Variants in TUSC3 observed in about 807,000 individuals in gnomAD.
The protein encoded by TUSC3 is tumor suppressor candidate 3.
A neutral mutation model predicts 44.8 loss-of-function variants in TUSC3; 45 were observed. The ratio of observed to expected loss-of-function variants is 1.00; its 90% CI spans 0.79 to 1.29. The LOEUF (loss-of-function observed/expected upper bound fraction) is 1.29, where lower values mean the gene tolerates loss of function less well. TUSC3 is among the 50% of genes most tolerant of loss of function. The pLI, the probability that TUSC3 is intolerant of heterozygous loss-of-function variation, is 0.00. For synonymous variants in TUSC3, 212 were observed against 152.9 expected (o/e 1.39, Z -2.85); for missense variants, 519 against 437.9 (o/e 1.19, Z -1.65).
chr8:15,826,976 A>G, the TUSC3 span, among the ~76,000 whole-genome samples: 1 of 152,296 alleles, frequency 6.6e-6, no homozygotes, highest in East Asian at 1.9e-4. Flanking sequence ...TGATTGCTGC[A>G]GAGGTTGCAG....
At chr8:15,477,985 T>C (rs901004924) in intron 1 of TUSC3, among the ~76,000 whole-genome samples, 1 of 152,126 alleles carries the variant, frequency 6.6e-6, no homozygotes, top group Non-Finnish European at 1.5e-5. Context: ...TTTGACACAG[T>C]CTCGTTCTGT....
At chr8:15,523,664 A>ATATGTGTG (rs1345376349) in intron 2 of TUSC3, among the ~76,000 whole-genome samples, 28 of 42,488 alleles carry the variant, frequency 6.6e-4, no homozygotes, top group African/African-American at 2.4e-3. Flanking sequence ...ATATATATAT[A>ATATGTGTG]TGTGTGTGTG....
intron 2 of TUSC3, among the ~76,000 whole-genome samples, chr8:15,526,694 C>A (rs979310574): frequency 1.3e-5 from 2 of 152,124 alleles, no homozygotes; most frequent in South Asian, 4.1e-4. Context: ...GTCCATTGAA[C>A]CTCTTTTTCT....
chr8:15,745,774 T>G (rs539318232), intron 8 of TUSC3, among the ~76,000 whole-genome samples: 120 of 152,098 alleles, frequency 7.9e-4, no homozygotes, highest in African/African-American at 2.8e-3. Context: ...TGTTTTGCGG[T>G]GCAGAGGCTC....
chr8:15,506,789 T>C (rs1163450632), intron 2 of TUSC3, among the ~76,000 whole-genome samples: 2 of 152,210 alleles, frequency 1.3e-5, no homozygotes, highest in East Asian at 1.9e-4. Context: ...CATTTCAAGA[T>C]GAGATTTCGG....
chr8:15,755,721 G>A (rs1811900650), intron 9 of TUSC3, among the ~76,000 whole-genome samples: 1 of 151,308 alleles, frequency 6.6e-6, no homozygotes, highest in South Asian at 2.1e-4. Flanking sequence ...TACTAAAGGT[G>A]ATTTTCTTAA....
chr8:15,512,639 G>A (rs1370840748), intron 2 of TUSC3, among the ~76,000 whole-genome samples: 1 of 151,814 alleles, frequency 6.6e-6, no homozygotes, highest in Non-Finnish European at 1.5e-5. Flanking sequence ...TTGGCATGGT[G>A]GTACACACCT....
chr8:15,730,382 T>C (rs1377073568), intron 6 of TUSC3, among the ~76,000 whole-genome samples: 1 of 152,142 alleles, frequency 6.6e-6, no homozygotes, highest in Non-Finnish European at 1.5e-5. Context: ...ACAGGAATCA[T>C]ATTTTATGTG....
In TUSC3 at chr8:15,428,589, G is replaced by T. The variant is rs149426080; in HGVS notation, n.91+11284G>T. On this transcript the variant is annotated intron_variant and non_coding_transcript_variant, in intron 1 of 5. Transcript: ENST00000503191. Reference sequence around the variant, plus strand: ...GAACTAGTTTACAATCCCACCAACAGTGTAAAAGTGTTCCTATTTCTCCAC... The same window carrying T: ...GAACTAGTTTACAATCCCACCAACATTGTAAAAGTGTTCCTATTTCTCCAC... 7.3e-3 allele frequency among the ~76,000 whole-genome samples: 1,111 copies of T among 152,260 alleles called. 16 individuals are homozygous for T. The highest frequency in any genetic ancestry group is 0.025 in the African/African-American group (1,043 of 41,558).
In TUSC3 at chr8:15,612,300, C is replaced by G. The variant is rs144467220; in HGVS notation, c.139-10780C>G. Among the ~76,000 whole-genome samples, 123 of 152,224 alleles carry G rather than the reference C, an allele frequency of 8.1e-4. 3 individuals carry two copies. In the East Asian group the frequency reaches 0.021, roughly 26 times the overall value. ...GACATGAGACCACATATCTTTTTGC[C>G]TTGGTACATCTGGTCATGTTCCTAG... On this transcript the variant is annotated intron_variant, in intron 1 of 10. Transcript: ENST00000503731.
At chr8:15,583,973 A>T (rs969215643) in intron 1 of TUSC3, among the ~76,000 whole-genome samples, 1 of 152,222 alleles carries the variant, frequency 6.6e-6, no homozygotes, top group Admixed American at 6.5e-5. Context: ...CATGATAGAT[A>T]GTGTCAGTTG....
intron 2 of TUSC3, among the ~76,000 whole-genome samples, chr8:15,495,412 G>A (rs1585065448): frequency 6.6e-6 from 1 of 152,156 alleles, no homozygotes; most frequent in African/African-American, 2.4e-5. Context: ...CCGTGGAAAT[G>A]ACCTTCAGGT....
In TUSC3 at chr8:15,748,480, C is replaced by T. The variant is rs1405415498; in HGVS notation, c.1028+15C>T. ...TATCCTTATAGGTAATATCTTTATA[C>T]TAACATGAATGTTTTTATTTTTAAC... On this transcript the variant is annotated intron_variant, in intron 9 of 10. Coordinates refer to ENST00000503731, the MANE Select transcript of TUSC3 (RefSeq NM_006765.4). The T allele has an allele frequency of 3.2e-6, 5 of 1,547,620 alleles. No homozygotes were observed. The Admixed American group carries it at 6.7e-5, about 21-fold the overall frequency.
At chr8:15,461,040 A>G (rs968358488) in intron 1 of TUSC3, among the ~76,000 whole-genome samples, 7 of 151,882 alleles carry the variant, frequency 4.6e-5, no homozygotes, top group African/African-American at 1.7e-4. Flanking sequence ...TGAATTTTAG[A>G]ATTGTGTTTT....
chr8:15,734,038 G>A (rs974702953), intron 7 of TUSC3, among the ~76,000 whole-genome samples: 1 of 152,112 alleles, frequency 6.6e-6, no homozygotes. Flanking sequence ...GTGAGACCCC[G>A]TCTCCAAAAA....
intron 2 of TUSC3, among the ~76,000 whole-genome samples, chr8:15,639,277 ATGT>A (rs1416564017): frequency 6.6e-6 from 1 of 151,942 alleles, no homozygotes; most frequent in African/African-American, 2.4e-5. Context: ...AGATCACATG[ATGT>A]TCAGAGCTTC....
chr8:15,818,501 A>T, the TUSC3 span, among the ~76,000 whole-genome samples: 1 of 152,182 alleles, frequency 6.6e-6, no homozygotes, highest in African/African-American at 2.4e-5. Flanking sequence ...GAATTTTGTC[A>T]TTTCACTCAT....
rs954989376 is a variant in TUSC3, at chr8:15,758,481, C to A, written c.*46+626C>A. On this transcript the variant is annotated intron_variant, in intron 10 of 10. Transcript: ENST00000503731. ...AATCCAGTTTTTTGATTCCACACTG[C>A]ACATCCCACCCCCTCAAGACCAGAG... Among the ~76,000 whole-genome samples the A allele has an allele frequency of 2.6e-5, 4 of 151,798 alleles. No homozygotes were observed. The South Asian group carries it at 6.2e-4, about 24-fold the overall frequency.
intron 6 of TUSC3, among the ~76,000 whole-genome samples, chr8:15,686,843 C>T (rs969826614): frequency 4.6e-5 from 7 of 151,746 alleles, no homozygotes; most frequent in South Asian, 2.1e-4. Context: ...CCGAGTTTGG[C>T]GGATCACAAG....
Sources: gnomAD v4.1 joint callset for allele counts (sites outside exome capture counted in the v4.1 genomes callset) on GRCh38, gnomAD v4.1.1 for gene constraint, MANE v1.5 for transcripts, NCBI Gene and HGNC (gene_info 2026-07-23, HGNC 2026-07-21) for gene names.